Variants in ZFYVE21 observed in about 807,000 individuals in gnomAD.
ZFYVE21 encodes the protein zinc finger FYVE domain-containing protein 21.
In ZFYVE21, 21 loss-of-function variants were observed where a neutral mutation model predicts 29.5. The observed-to-expected ratio is 0.71, with a 90% CI of 0.50 to 1.02. ZFYVE21 has a LOEUF of 1.02. Ranked by LOEUF, ZFYVE21 falls within the 50% of genes least tolerant of loss-of-function variation. The pLI, the probability that ZFYVE21 is intolerant of heterozygous loss-of-function variation, is 0.00. For synonymous variants in ZFYVE21, 151 were observed against 133.8 expected, an observed-to-expected ratio of 1.13 and a Z score of -0.89; for missense variants, 326 against 335.4, an observed-to-expected ratio of 0.97 and a Z score of 0.22.
chr14:103,725,836 G>A (rs1314132613), intron 1 of ZFYVE21: 1 of 152,396 alleles, frequency 6.6e-6, no homozygotes, highest in Admixed American at 6.5e-5. Flanking sequence ...AAGCATCTGA[G>A]GTGCCGGGAC....
chr14:103,724,093 T>C (rs944387427), intron 1 of ZFYVE21, among the ~76,000 whole-genome samples: 4 of 151,802 alleles, frequency 2.6e-5, no homozygotes, highest in African/African-American at 9.7e-5. Context: ...CAGGGTGGGG[T>C]GATGGAGGAT....
intron 2 of ZFYVE21, 106 bp downstream of exon 2, chr14:103,726,948 G>GTTTTTTTTT: frequency 4.5e-6 from 3 of 660,982 alleles, no homozygotes; most frequent in East Asian, 7.6e-5. Flanking sequence ...CTTATGGCTC[G>GTTTTTTTTT]TTTTTTTTTT....
At position 103,727,932 on chromosome 14, in the gene ZFYVE21, G is replaced by A; in HGVS notation, c.358+18G>A. On this transcript the variant is annotated intron_variant, in intron 3 of 6. Coordinates refer to ENST00000311141, the MANE Select transcript of ZFYVE21 (RefSeq NM_024071.4). Reference sequence around the variant, plus strand: ...CCTGAGCGGTAAGGACGGGTGTCCTGCACAGTCCCGCGCGCTCCGCCAGCC... The same window carrying A: ...CCTGAGCGGTAAGGACGGGTGTCCTACACAGTCCCGCGCGCTCCGCCAGCC... 1 of 1,591,284 alleles carries A rather than the reference G, an allele frequency of 6.3e-7. No homozygotes were observed. Among genetic ancestry groups the A allele is most frequent in the Non-Finnish European group, 8.6e-7 (1 of 1,164,006 alleles).
rs1595687723 is a variant in ZFYVE21 at position 103,719,375 on chromosome 14, G to A, written c.138+3396G>A. 4.6e-5 allele frequency among the ~76,000 whole-genome samples: 7 copies of A among 151,136 alleles called. No homozygotes were observed. The South Asian group carries it at 1.5e-3, about 32-fold the overall frequency. On this transcript the variant is annotated intron_variant, in intron 1 of 6. Transcript: ENST00000311141. ...GGAGGCTGAGGCAGGAGAATCACTT[G>A]AACCGGGAAGAGGAGGTTGCAATGA...
chr14:103,729,028 C>T (rs1055801653), intron 4 of ZFYVE21, 45 bp downstream of exon 4: 3 of 1,613,478 alleles, frequency 1.9e-6, no homozygotes, highest in Non-Finnish European at 2.5e-6. Flanking sequence ...TTGTCACAGA[C>T]CGGGAGCCTC....
intron 1 of ZFYVE21, among the ~76,000 whole-genome samples, chr14:103,721,835 C>T (rs1380601430): frequency 6.6e-6 from 1 of 152,248 alleles, no homozygotes; most frequent in African/African-American, 2.4e-5. Context: ...GTTTTAGTTT[C>T]CCCAGCGAAT....
chr14:103,727,736 A>ATCT lies in ZFYVE21; in HGVS notation c.190-9_190-7dup, dbSNP rs772361628. ...CCCTCCTCACTGCCAATCCTCCCGCATCTGCCCAGCACCACTGTCGCCGCT... is the reference window on the plus strand; with the variant it reads ...CCCTCCTCACTGCCAATCCTCCCGCATCTTCTGCCCAGCACCACTGTCGCCGCT... On this transcript the variant is annotated splice_polypyrimidine_tract_variant and intron_variant, in intron 2 of 6. Coordinates refer to ENST00000311141, the MANE Select transcript of ZFYVE21 (RefSeq NM_024071.4). 1 of 1,603,908 alleles carries ATCT rather than the reference A, an allele frequency of 6.2e-7. No individual in the cohort carries two copies. The highest frequency in any genetic ancestry group is 2.2e-5 in the East Asian group (1 of 44,796).
rs752819225 is a variant in ZFYVE21, at chr14:103,727,863, T to C, written c.307T>C (p.Ser103Pro). Residue 103 changes from serine to proline, a missense_variant, in exon 3 of 7, where the codon TCC becomes CCC. Transcript: ENST00000311141. Reference sequence around the variant, plus strand: ...GCAGTGCGCGGAGTGCGCCCTCGTGTCCCTCAAGGAGGCGGAGTTCTACGA... The same window carrying C: ...GCAGTGCGCGGAGTGCGCCCTCGTGCCCCTCAAGGAGGCGGAGTTCTACGA... ...VRQCAECALV[S>P]LKEAEFYDKQ... 1 of 1,613,112 alleles carries C rather than the reference T, an allele frequency of 6.2e-7. No individual in the cohort carries two copies. The highest frequency in any genetic ancestry group is 8.5e-7 in the Non-Finnish European group (1 of 1,179,802).
chr14:103,728,758 A>G lies in ZFYVE21; in HGVS notation c.359-150A>G, dbSNP rs142257802. On this transcript the variant is annotated intron_variant, in intron 3 of 6. Transcript: ENST00000311141. ...TTGATCCATGACTGCCTTTTTGCTC[A>G]GCTGAAGGGGTCCTTAGAACAAAGC... 4.0e-4 allele frequency: 289 copies of G among 723,722 alleles called. 1 individual carries two copies. In the African/African-American group the frequency reaches 4.0e-3, roughly 10 times the overall value. The allele number at this position is 723,722 out of a possible 1,614,324, so 44.8% of individuals were successfully genotyped here. A position where few individuals can be genotyped will look rare whatever the true frequency, so the allele number is the denominator to read the frequency against.
chr14:103,726,920 G>A, intron 2 of ZFYVE21, 78 bp downstream of exon 2: 1 of 1,480,446 alleles, frequency 6.8e-7, no homozygotes, highest in Non-Finnish European at 9.3e-7. Context: ...GCCCCTTCTG[G>A]CAGGGGACGG....
At chr14:103,723,638 C>T (rs141415715) in intron 1 of ZFYVE21, among the ~76,000 whole-genome samples, 115 of 152,328 alleles carry the variant, frequency 7.5e-4, no homozygotes, top group Non-Finnish European at 1.4e-3. Flanking sequence ...TGCAGAATGG[C>T]GTCTGAAGGG....
In ZFYVE21 at chr14:103,733,237, A is replaced by C; in HGVS notation, c.*219A>C. 1.7e-6 allele frequency: 1 copy of C among 601,498 alleles called. No homozygotes were observed. Among genetic ancestry groups the C allele is most frequent in the Non-Finnish European group, 2.9e-6 (1 of 348,478 alleles). 37.3% of individuals were successfully genotyped at this position (601,498 alleles called of 1,614,324 possible). On this transcript the variant is annotated 3_prime_UTR_variant, in exon 7 of 7. Transcript: ENST00000311141. ...CAGCTTCATGTTTTAGAATTTGTGT[A>C]TTGTCAATACTTAATTGGGGGTGGG...
At chr14:103,724,176 G>A (rs1041344993) in intron 1 of ZFYVE21, among the ~76,000 whole-genome samples, 4 of 152,232 alleles carry the variant, frequency 2.6e-5, no homozygotes, top group East Asian at 1.9e-4. Context: ...GGGCGGCCGC[G>A]CGGTCCCCAC....
At chr14:103,730,928 C>G (rs1158385178) in intron 5 of ZFYVE21, 1 of 152,298 alleles carries the variant, frequency 6.6e-6, no homozygotes, top group Admixed American at 6.5e-5. Flanking sequence ...GCTCTAGAGC[C>G]TAGGCAGGAC....
chr14:103,727,831 C>CCGTG lies in ZFYVE21; in HGVS notation c.278_281dup (p.Gln95AlafsTer41). 6.2e-7 allele frequency: 1 copy of CCGTG among 1,613,186 alleles called. No homozygotes were observed. The highest frequency in any genetic ancestry group is 8.5e-7 in the Non-Finnish European group (1 of 1,179,904). Reference sequence around the variant, plus strand: ...CTGCGGCGCATGTGCTTTGTGGACCCCGTGCGGCAGTGCGCGGAGTGCGCC... The same window carrying CCGTG: ...CTGCGGCGCATGTGCTTTGTGGACCCCGTGCGTGCGGCAGTGCGCGGAGTGCGCC... On this transcript the variant is annotated frameshift_variant, in exon 3 of 7. Transcript: ENST00000311141. LOFTEE classifies it high-confidence loss of function.
chr14:103,717,100 C>G (rs2083830270), intron 1 of ZFYVE21, among the ~76,000 whole-genome samples: 1 of 152,080 alleles, frequency 6.6e-6, no homozygotes, highest in Non-Finnish European at 1.5e-5. Flanking sequence ...GCCACAGAGC[C>G]TCGGGGACAG....
At position 103,733,478 on chromosome 14, in the gene ZFYVE21, C is replaced by G. The variant is rs1041122324; in HGVS notation, c.*460C>G. 3 of 157,910 alleles carry G rather than the reference C, an allele frequency of 1.9e-5. No homozygotes were observed. The highest frequency in any genetic ancestry group is 6.3e-5 in the Admixed American group (1 of 15,976). 9.8% of individuals were successfully genotyped at this position (157,910 alleles called of 1,614,324 possible). A position where few individuals can be genotyped will look rare whatever the true frequency, so the allele number is the denominator to read the frequency against. ...TTACAGCACTTGCCTTAGCCTGTTT[C>G]ACAGACTTGTCCACTTACCTTGTCA... On this transcript the variant is annotated 3_prime_UTR_variant, in exon 7 of 7. Transcript: ENST00000311141.
chr14:103,723,473 G>C (rs764561602), intron 1 of ZFYVE21, among the ~76,000 whole-genome samples: 8 of 152,230 alleles, frequency 5.3e-5, no homozygotes, highest in Non-Finnish European at 1.0e-4. Flanking sequence ...TGGTTTCCAA[G>C]TCCAGGAAGC....
At chr14:103,727,963 C>T in intron 3 of ZFYVE21, 49 bp downstream of exon 3, 1 of 1,559,354 alleles carries the variant, frequency 6.4e-7, no homozygotes. Flanking sequence ...CAGCCGGCTC[C>T]TCGTGTCTGT....
Sources: allele counts gnomAD v4.1 joint callset (sites outside exome capture counted in the v4.1 genomes callset), GRCh38; gene constraint gnomAD v4.1.1; transcripts MANE v1.5; gene names NCBI Gene and HGNC (gene_info 2026-07-23, HGNC 2026-07-21).